The following GGT1 variants were observed in gnomAD, a reference collection of about 807,000 sequenced individuals.
GGT1 encodes gamma-glutamyltransferase 1.
In GGT1, 21 loss-of-function variants were observed where a neutral mutation model predicts 56.0. The ratio of observed to expected loss-of-function variants is 0.38; its 90% CI spans 0.27 to 0.54. GGT1 has a LOEUF of 0.54. Among genes scored for constraint, GGT1 ranks in the 20% least tolerant of loss-of-function variants. The pLI, the probability that GGT1 is intolerant of heterozygous loss-of-function variation, is 0.82. For synonymous variants in GGT1, 238 were observed against 342.6 expected (o/e 0.69, Z 3.37); for missense variants, 466 against 787.0 (o/e 0.59, Z 4.88).
chr22:24,586,514 A>T, the GGT1 span: 2 of 1,213,952 alleles, frequency 1.6e-6, no homozygotes, highest in Non-Finnish European at 2.3e-6. Flanking sequence ...ACAGTCTGGC[A>T]AAGCCAGATT....
chr22:24,593,986 G>A (rs1478299703), upstream of GGT1, among the ~76,000 whole-genome samples: 2 of 152,182 alleles, frequency 1.3e-5, no homozygotes, highest in African/African-American at 4.8e-5. Flanking sequence ...GCCCAGCTCT[G>A]GGCAAGCTGG....
intron 1 of GGT1, among the ~76,000 whole-genome samples, chr22:24,604,363 A>T (rs2045897896): frequency 6.6e-6 from 1 of 152,176 alleles, no homozygotes. Flanking sequence ...CAAAGCCATC[A>T]AGCTGGGTTG....
intron 6 of GGT1, 27 bp downstream of exon 6, chr22:24,614,933 G>GAGGGGC (rs1343954068): frequency 2.7e-5 from 44 of 1,610,840 alleles, no homozygotes; most frequent in Non-Finnish European, 3.7e-5. Flanking sequence ...AGGAGAGGGA[G>GAGGGGC]AGGGGCAGGG....
At chr22:24,593,563 G>A (rs2045635312), upstream of GGT1, among the ~76,000 whole-genome samples, 1 of 152,140 alleles carries the variant, frequency 6.6e-6, no homozygotes, top group African/African-American at 2.4e-5. Context: ...CGAGGCAGGC[G>A]GAATCTAAGG....
At chr22:24,602,331 C>T (rs1370608129), upstream of GGT1, among the ~76,000 whole-genome samples, 6 of 152,196 alleles carry the variant, frequency 3.9e-5, no homozygotes, top group Non-Finnish European at 7.3e-5. Flanking sequence ...ACTCTCATGC[C>T]CAGCCAGGTC....
At chr22:24,592,887 C>T, upstream of GGT1, 1 of 1,281,770 alleles carries the variant, frequency 7.8e-7, no homozygotes, top group Non-Finnish European at 9.9e-7. Context: ...GCAGCAGCTG[C>T]CGGGCGCGCT....
At position 24,614,961 on chromosome 22, in the gene GGT1, G is replaced by A. The variant is rs1355785606; in HGVS notation, c.295+55G>A. ...GGGCAGGGGGTGTGGGTTGGGCCGA[G>A]GCACAGCTGGGCGGTCCCCAGGCTC... On this transcript the variant is annotated intron_variant, in intron 6 of 15. Transcript: ENST00000400382. 2.5e-6 allele frequency: 4 copies of A among 1,589,166 alleles called. No homozygotes were observed. In the African/African-American group the frequency reaches 5.4e-5, roughly 21 times the overall value.
At chr22:24,595,720 C>T (rs1398267062) in intron 1 of GGT1, among the ~76,000 whole-genome samples, 1 of 152,220 alleles carries the variant, frequency 6.6e-6, no homozygotes, top group Non-Finnish European at 1.5e-5. Context: ...TTTGGAGTCT[C>T]AAGCCCTCTG....
At chr22:24,586,198 CTGG>C in the GGT1 span, 7 of 1,613,860 alleles carry the variant, frequency 4.3e-6, no homozygotes, top group Non-Finnish European at 5.9e-6. Flanking sequence ...TGAGCAGGAG[CTGG>C]GTGAGGCGGG....
chr22:24,592,428 A>T (rs1220145140), upstream of GGT1: 1 of 470,364 alleles, frequency 2.1e-6, no homozygotes, highest in Admixed American at 2.4e-5. Context: ...CGGATCCTGG[A>T]GGAGGGGGAA....
the GGT1 span, among the ~76,000 whole-genome samples, chr22:24,584,342 C>T: frequency 2.6e-5 from 4 of 152,156 alleles, no homozygotes; most frequent in African/African-American, 9.7e-5. Context: ...CAGAGCGGGC[C>T]TGAACTGTGA....
At chr22:24,589,079 GC>G in the GGT1 span, 1 of 1,068,632 alleles carries the variant, frequency 9.4e-7, no homozygotes, top group Non-Finnish European at 1.1e-6. Flanking sequence ...AGTCCTAGGG[GC>G]CGACTGTGCA....
At chr22:24,616,904 C>T (rs1263256969) in intron 7 of GGT1, among the ~76,000 whole-genome samples, 1 of 152,076 alleles carries the variant, frequency 6.6e-6, no homozygotes. Context: ...CATGAAGTTG[C>T]TCAGGGTAAG....
upstream of GGT1, among the ~76,000 whole-genome samples, chr22:24,590,878 GTCC>G (rs2045549392): frequency 6.6e-6 from 1 of 152,070 alleles, no homozygotes; most frequent in South Asian, 2.1e-4. Flanking sequence ...GCACTCTTCC[GTCC>G]TCCTCTCTCC....
intron 7 of GGT1, among the ~76,000 whole-genome samples, chr22:24,616,670 G>A (rs910060079): frequency 4.0e-4 from 60 of 148,324 alleles, no homozygotes; most frequent in African/African-American, 1.4e-3. Flanking sequence ...TCAGCCTCCC[G>A]AATAGCTGGG....
At chr22:24,626,942 G>A (rs2047823644) in intron 11 of GGT1, among the ~76,000 whole-genome samples, 1 of 150,036 alleles carries the variant, frequency 6.7e-6, no homozygotes, top group Admixed American at 6.7e-5. Flanking sequence ...GACCATTTAG[G>A]CCACATTCCA....
chr22:24,625,144 AGTAG>A (rs2047669313), intron 11 of GGT1, among the ~76,000 whole-genome samples: 1 of 152,212 alleles, frequency 6.6e-6, no homozygotes, highest in Non-Finnish European at 1.5e-5. Flanking sequence ...GGGATTCCAC[AGTAG>A]GTTACTGATG....
rs572418057 is a variant in GGT1, at chr22:24,620,827, T to A, written c.576-86T>A. The A allele has an allele frequency of 3.6e-5, 56 of 1,555,074 alleles. No individual in the cohort carries two copies. In the African/African-American group the frequency reaches 6.8e-4, roughly 19 times the overall value. On this transcript the variant is annotated intron_variant, in intron 8 of 15. Transcript: ENST00000400382. The surrounding 1 kb of genome is among the most constrained non-coding windows in gnomAD (Gnocchi z 5.6). The stretch of plus-strand genomic sequence containing the variant: ...GTGACAGGCGCTGCCCCTGTTCTGC[T>A]CCGTTCTCCTGTGTGGACGGGTGTG...
intron 7 of GGT1, among the ~76,000 whole-genome samples, chr22:24,616,175 G>A (rs970311440): frequency 6.6e-6 from 1 of 151,904 alleles, no homozygotes; most frequent in African/African-American, 2.4e-5. Context: ...AGCACTTTGG[G>A]AGGCTGAGGC....
Sources: allele counts gnomAD v4.1 joint callset (sites outside exome capture counted in the v4.1 genomes callset), GRCh38; gene constraint gnomAD v4.1.1; non-coding constraint Gnocchi (gnomAD v3.1); transcripts MANE v1.5; gene names NCBI Gene and HGNC (gene_info 2026-07-23, HGNC 2026-07-21).